Variants in JAZF1 observed in about 807,000 individuals in gnomAD.
The protein encoded by JAZF1 is JAZF zinc finger 1, also known as juxtaposed with another zinc finger protein 1.
JAZF1 carries 8 observed loss-of-function variants against 26.4 expected under a neutral mutation model. That is an observed-to-expected ratio of 0.30 (90% CI 0.18 to 0.55). The LOEUF is 0.55. Among genes scored for constraint, JAZF1 ranks in the 20% least tolerant of loss-of-function variants. The pLI, the probability that JAZF1 is intolerant of heterozygous loss-of-function variation, is 0.94. For missense variants in JAZF1, 199 were observed against 322.0 expected, an observed-to-expected ratio of 0.62 and a Z score of 2.92; for synonymous variants, 126 against 122.3, an observed-to-expected ratio of 1.03 and a Z score of -0.20.
At chr7:28,176,734 AGAG>A (rs1783556967) in intron 1 of JAZF1, among the ~76,000 whole-genome samples, 1 of 152,242 alleles carries the variant, frequency 6.6e-6, no homozygotes, top group Non-Finnish European at 1.5e-5. Context: ...TTCAAAATGC[AGAG>A]GTACTTTTAA....
At chr7:27,844,165 G>A (rs558079109) in intron 3 of JAZF1, 2 of 152,240 alleles carry the variant, frequency 1.3e-5, no homozygotes, top group Non-Finnish European at 2.9e-5. Flanking sequence ...GTCCCTGACA[G>A]GGCGTGGGGT....
At position 27,832,487 on chromosome 7, in the gene JAZF1, A is replaced by G; in HGVS notation, c.*313T>C. ...CCCCCCAGGTTGATACCACCGCAAT[A>G]CAATTCAACAATATGCAACATGCCC... is the stretch of plus-strand genomic sequence containing the variant. On this transcript the variant is annotated 3_prime_UTR_variant, in exon 5 of 5. Transcript: ENST00000283928. 2 of 249,020 alleles carry G rather than the reference A, an allele frequency of 8.0e-6. No homozygotes were observed. The highest frequency in any genetic ancestry group is 1.6e-5 in the Non-Finnish European group (2 of 128,294). The allele number at this position is 249,020 out of a possible 1,614,324, so 15.4% of individuals were successfully genotyped here.
chr7:27,914,849 G>T (rs764096307), intron 2 of JAZF1: 10 of 470,912 alleles, frequency 2.1e-5, no homozygotes, highest in Admixed American at 7.0e-5. Context: ...GCCATGCACT[G>T]GGCTCCTCTG....
chr7:27,880,295 T>C (rs1783746823), intron 3 of JAZF1, among the ~76,000 whole-genome samples: 2 of 152,282 alleles, frequency 1.3e-5, no homozygotes, highest in Admixed American at 1.3e-4. Flanking sequence ...TTGGAATATT[T>C]ATTACTTATT....
intron 1 of JAZF1, among the ~76,000 whole-genome samples, chr7:28,063,874 T>C (rs1783837600): frequency 6.6e-6 from 1 of 152,144 alleles, no homozygotes; most frequent in South Asian, 2.1e-4. Flanking sequence ...TAGTTTCCAA[T>C]CTATATGCAT....
At chr7:27,914,829 G>C (rs1784418405) in intron 2 of JAZF1, 1 of 471,022 alleles carries the variant, frequency 2.1e-6, no homozygotes, top group East Asian at 6.9e-5. Context: ...CAGCCTTCTG[G>C]ATTTCACAAG....
chr7:27,898,993 C>T (rs1784118949), intron 2 of JAZF1, among the ~76,000 whole-genome samples: 1 of 152,118 alleles, frequency 6.6e-6, no homozygotes, highest in Non-Finnish European at 1.5e-5. Context: ...CACAGGAATG[C>T]CACACAAACG....
At chr7:27,952,772 G>A (rs1170383588) in intron 2 of JAZF1, among the ~76,000 whole-genome samples, 2 of 152,202 alleles carry the variant, frequency 1.3e-5, no homozygotes, top group Non-Finnish European at 2.9e-5. Context: ...GCACAGAAAT[G>A]CACTGAAAAC....
At chr7:28,167,830 C>A (rs895190479) in intron 1 of JAZF1, among the ~76,000 whole-genome samples, 6 of 152,136 alleles carry the variant, frequency 3.9e-5, no homozygotes, top group Non-Finnish European at 7.4e-5. Context: ...AAATAGTTAA[C>A]TGCTTCATAA....
At chr7:28,062,255 C>T (rs894725151) in intron 1 of JAZF1, among the ~76,000 whole-genome samples, 1 of 152,096 alleles carries the variant, frequency 6.6e-6, no homozygotes, top group Non-Finnish European at 1.5e-5. Context: ...TACTCAAAGC[C>T]TAAGATTGAG....
In JAZF1 at chr7:27,831,352, A is replaced by G. The variant is rs1334718152; in HGVS notation, c.*1448T>C. 4.4e-6 allele frequency: 1 copy of G among 227,284 alleles called. No individual in the cohort carries two copies. 14.1% of individuals were successfully genotyped at this position (227,284 alleles called of 1,614,324 possible). ...AAATGGGAACATGGGAAGAAACTTTATAAGCAATTTGAGTTTGTTTTATGG... is the reference window on the plus strand; with the variant it reads ...AAATGGGAACATGGGAAGAAACTTTGTAAGCAATTTGAGTTTGTTTTATGG... On this transcript the variant is annotated 3_prime_UTR_variant, in exon 5 of 5. Transcript: ENST00000283928.
chr7:27,911,832 T>C (rs1189291063), intron 2 of JAZF1, among the ~76,000 whole-genome samples: 2 of 152,042 alleles, frequency 1.3e-5, no homozygotes, highest in Non-Finnish European at 2.9e-5. Context: ...GAAGAGAAAC[T>C]TGGGGAATAC....
chr7:28,156,262 G>A (rs1783183956), intron 1 of JAZF1, among the ~76,000 whole-genome samples: 1 of 152,220 alleles, frequency 6.6e-6, no homozygotes, highest in Non-Finnish European at 1.5e-5. Flanking sequence ...AGGCTGTAGA[G>A]GCCCCTTTTC....
At chr7:27,914,620 G>A (rs757204726) in intron 2 of JAZF1, 1 of 397,624 alleles carries the variant, frequency 2.5e-6, no homozygotes, top group Non-Finnish European at 5.3e-6. Context: ...GGAAACTCCT[G>A]CTCACCAGCC....
chr7:27,846,357 G>GTACA (rs1783030730), intron 3 of JAZF1: 3 of 350,646 alleles, frequency 8.6e-6, no homozygotes, highest in African/African-American at 2.2e-5. Flanking sequence ...ACACGTATAC[G>GTACA]TGTACATATG....
At chr7:27,842,926 G>A (rs1782949415) in intron 3 of JAZF1, 1 of 152,226 alleles carries the variant, frequency 6.6e-6, no homozygotes, top group African/African-American at 2.4e-5. Flanking sequence ...CCAACTGGGG[G>A]ATTAATGAAG....
intron 1 of JAZF1, among the ~76,000 whole-genome samples, chr7:28,024,779 C>T (rs1783065145): frequency 6.6e-6 from 1 of 152,118 alleles, no homozygotes. Flanking sequence ...GAGCCTGCAA[C>T]TTGAGAGATC....
chr7:27,895,528 G>T (rs982296198), intron 2 of JAZF1, 112 bp from the exon 3 acceptor site: 33 of 618,480 alleles, frequency 5.3e-5, no homozygotes, highest in Admixed American at 3.7e-4. Flanking sequence ...CTTGGCCACA[G>T]GTCAGTCCCA....
chr7:28,147,619 G>A (rs953744820), intron 1 of JAZF1, among the ~76,000 whole-genome samples: 5 of 151,398 alleles, frequency 3.3e-5, no homozygotes, highest in Admixed American at 6.6e-5. Flanking sequence ...AGGCCAAGGC[G>A]AGTGGATAGC....
Sources: allele counts gnomAD v4.1 joint callset (sites outside exome capture counted in the v4.1 genomes callset), GRCh38; gene constraint gnomAD v4.1.1; transcripts MANE v1.5; gene names NCBI Gene and HGNC (gene_info 2026-07-23, HGNC 2026-07-21).